Variants in COL22A1 observed in about 807,000 individuals in gnomAD.
The protein encoded by COL22A1 is collagen alpha-1(XXII) chain.
Under a neutral mutation model 248.9 loss-of-function variants are expected in COL22A1, and 221 were observed. The ratio of observed to expected loss-of-function variants is 0.89; its 90% CI spans 0.80 to 0.99. The LOEUF (loss-of-function observed/expected upper bound fraction) is 0.99, where lower values mean the gene tolerates loss of function less well. COL22A1 is among the 50% of genes least tolerant of loss of function. The pLI is 0.00. For missense variants in COL22A1, 2,240 were observed against 2,179.0 expected, an observed-to-expected ratio of 1.03 and a Z score of -0.56; for synonymous variants, 891 against 793.4, an observed-to-expected ratio of 1.12 and a Z score of -2.07.
At position 138,597,271 on chromosome 8, in the gene COL22A1, A is replaced by G. The variant is rs542706163; in HGVS notation, c.4366-301T>C. 1.3e-5 allele frequency among the ~76,000 whole-genome samples: 2 copies of G among 152,066 alleles called. 1 individual carries two copies. Among genetic ancestry groups the G allele is most frequent in the South Asian group, 4.1e-4 (2 of 4,822 alleles). ...CCTTCCTGCTGAAGCCACTGTGCCC[A>G]TTAATTCCACTCATATTCCCTTCTT... On this transcript the variant is annotated intron_variant, in intron 61 of 64. Transcript: ENST00000303045.
At chr8:138,596,014 A>T (rs1817511341) in intron 62 of COL22A1, among the ~76,000 whole-genome samples, 1 of 152,190 alleles carries the variant, frequency 6.6e-6, no homozygotes, top group Non-Finnish European at 1.5e-5. Flanking sequence ...TTCCCAGCTC[A>T]TCAACCTTAA....
chr8:138,772,163 C>G (rs553283073), intron 16 of COL22A1, among the ~76,000 whole-genome samples: 1 of 152,218 alleles, frequency 6.6e-6, no homozygotes, highest in Non-Finnish European at 1.5e-5. Flanking sequence ...GCCGTCTGCA[C>G]GCTGAGTTCG....
Position 138,781,886 on chromosome 8 carries a change from C to G in COL22A1, c.1597-906G>C, listed in dbSNP as rs373434613. Among the ~76,000 whole-genome samples, 3 of 152,242 alleles carry G rather than the reference C, an allele frequency of 2.0e-5. No homozygotes were observed. The East Asian group carries it at 5.8e-4, about 29-fold the overall frequency. On this transcript the variant is annotated intron_variant, in intron 12 of 64. Coordinates refer to ENST00000303045, the MANE Select transcript of COL22A1 (RefSeq NM_152888.3). ...CTATACAGTGCGGGTGCTGGGTATT[C>G]AATGAACAAATGAAGAGATGAAACT...
At chr8:138,660,927 GAC>G (rs1419094424) in intron 43 of COL22A1, among the ~76,000 whole-genome samples, 2 of 82,210 alleles carry the variant, frequency 2.4e-5, no homozygotes, top group Non-Finnish European at 4.7e-5. Context: ...CACACACACA[GAC>G]ACACAGACAC....
chr8:138,636,503 A>AAGGAG (rs1821177775), intron 48 of COL22A1, among the ~76,000 whole-genome samples: 1 of 147,468 alleles, frequency 6.8e-6, no homozygotes, highest in Non-Finnish European at 1.5e-5. Context: ...AAGGAAAGGA[A>AAGGAG]AGGAAAGGAA....
chr8:138,763,671 C>T lies in COL22A1; in HGVS notation c.1804-1205G>A, dbSNP rs1015972562. Among the ~76,000 whole-genome samples the T allele has an allele frequency of 2.1e-4, 32 of 152,316 alleles. 1 individual carries two copies. The highest frequency in any genetic ancestry group is 5.8e-4 in the African/African-American group (24 of 41,570). On this transcript the variant is annotated intron_variant, in intron 16 of 64. Transcript: ENST00000303045. ...TCTCCCACCTGCACCCCAGCAGCTG[C>T]GGCTTCCTTCATCAGGCTCCTCAGA...
At chr8:138,882,900 CTGG>C (rs1260889750) in intron 2 of COL22A1, among the ~76,000 whole-genome samples, 179 bp downstream of exon 2, 3 of 152,178 alleles carry the variant, frequency 2.0e-5, no homozygotes, top group African/African-American at 4.8e-5. Flanking sequence ...TGCTGAGGAG[CTGG>C]TGATTTTTTG....
chr8:138,794,933 T>C (rs1401417289), intron 12 of COL22A1, among the ~76,000 whole-genome samples: 1 of 152,096 alleles, frequency 6.6e-6, no homozygotes, highest in Non-Finnish European at 1.5e-5. Context: ...TGCCAATTAA[T>C]GGGCAAAAAA....
chr8:138,839,934 G>C (rs893318728), intron 4 of COL22A1, among the ~76,000 whole-genome samples: 6 of 152,192 alleles, frequency 3.9e-5, no homozygotes, highest in Non-Finnish European at 8.8e-5. Flanking sequence ...TGAGGAAACT[G>C]AGGCTCAGAG....
At chr8:138,731,329 A>G (rs1256353813) in intron 23 of COL22A1, among the ~76,000 whole-genome samples, 6 of 152,112 alleles carry the variant, frequency 3.9e-5, no homozygotes, top group Non-Finnish European at 7.4e-5. Flanking sequence ...ACACATTTCT[A>G]GTGTCCTTAG....
intron 47 of COL22A1, among the ~76,000 whole-genome samples, chr8:138,645,070 T>C (rs1822078444): frequency 6.6e-6 from 1 of 152,178 alleles, no homozygotes; most frequent in Admixed American, 6.5e-5. Context: ...CGCAAAGCTA[T>C]CTTCAGTAGG....
intron 4 of COL22A1, among the ~76,000 whole-genome samples, chr8:138,837,660 T>G (rs2131840524): frequency 6.6e-6 from 1 of 152,152 alleles, no homozygotes; most frequent in South Asian, 2.1e-4. Context: ...TGTCTGGAAG[T>G]GTCCTGGGGC....
intron 57 of COL22A1, 33 bp downstream of exon 57, chr8:138,607,903 G>A: frequency 6.2e-7 from 1 of 1,607,654 alleles, no homozygotes; most frequent in Non-Finnish European, 8.5e-7. Context: ...AGCCCACCCT[G>A]ATGCCATCAC....
At chr8:138,755,857 AT>A in intron 18 of COL22A1, 28 bp from the exon 19 acceptor site, 1 of 1,609,368 alleles carries the variant, frequency 6.2e-7, no homozygotes, top group Non-Finnish European at 8.5e-7. Flanking sequence ...ACATTTCAGC[AT>A]AGTTACTGGT....
intron 1 of COL22A1, among the ~76,000 whole-genome samples, chr8:138,907,840 A>G (rs1815139381): frequency 6.6e-6 from 1 of 152,182 alleles, no homozygotes; most frequent in Non-Finnish European, 1.5e-5. Context: ...CACTCACACA[A>G]GAACTAACCT....
At chr8:138,621,102 G>C (rs1235706389) in intron 52 of COL22A1, among the ~76,000 whole-genome samples, 1 of 152,296 alleles carries the variant, frequency 6.6e-6, no homozygotes, top group East Asian at 1.9e-4. Context: ...AACTCAACTT[G>C]AAGAGGGGCC....
rs114860518 is a variant in COL22A1, at chr8:138,768,143, C to T, written c.1804-5677G>A. On this transcript the variant is annotated intron_variant, in intron 16 of 64. Coordinates refer to ENST00000303045, the MANE Select transcript of COL22A1 (RefSeq NM_152888.3). ...CCTCGATCCGATCCATTGCCTCTCCCATTGCCAAAGTGGTCTCCCCAAAAT... is the reference window on the plus strand; with the variant it reads ...CCTCGATCCGATCCATTGCCTCTCCTATTGCCAAAGTGGTCTCCCCAAAAT... 8.1e-3 allele frequency among the ~76,000 whole-genome samples: 1,228 copies of T among 152,298 alleles called. 17 individuals carry two copies. The highest frequency in any genetic ancestry group is 0.027 in the African/African-American group (1,129 of 41,566).
At chr8:138,889,620 G>C (rs556835302) in intron 1 of COL22A1, among the ~76,000 whole-genome samples, 3 of 152,240 alleles carry the variant, frequency 2.0e-5, no homozygotes, top group African/African-American at 4.8e-5. Context: ...GCTAAATGAC[G>C]AGTTAGTGGG....
intron 31 of COL22A1, among the ~76,000 whole-genome samples, chr8:138,702,625 AG>A (rs1828058828): frequency 1.3e-5 from 2 of 151,866 alleles, no homozygotes; most frequent in South Asian, 4.2e-4. Flanking sequence ...AAAAAAAAAA[AG>A]AAAAAGAAAA....
Sources: gnomAD v4.1 joint callset for allele counts (sites outside exome capture counted in the v4.1 genomes callset) on GRCh38, gnomAD v4.1.1 for gene constraint, MANE v1.5 for transcripts, NCBI Gene and HGNC (gene_info 2026-07-23, HGNC 2026-07-21) for gene names.